BICRAL: variants seen among roughly 807,000 people sequenced by gnomAD.
The protein encoded by BICRAL is BRD4-interacting chromatin-remodeling complex-associated protein-like.
A neutral mutation model predicts 91.8 loss-of-function variants in BICRAL; 8 were observed. The ratio of observed to expected loss-of-function variants is 0.09; its 90% CI spans 0.05 to 0.16. The LOEUF is 0.16. Ranked by LOEUF, BICRAL falls within the 10% of genes least tolerant of loss-of-function variation. BICRAL has a pLI of 1.00. For missense variants in BICRAL, 1,038 were observed against 1,310.9 expected, an observed-to-expected ratio of 0.79 and a Z score of 3.21; for synonymous variants, 445 against 491.1, an observed-to-expected ratio of 0.91 and a Z score of 1.24.
intron 1 of BICRAL, among the ~76,000 whole-genome samples, chr6:42,775,486 G>A (rs1336406650): frequency 6.6e-6 from 1 of 152,178 alleles, no homozygotes; most frequent in Non-Finnish European, 1.5e-5. Flanking sequence ...GAGTTAAAGA[G>A]TTCTGATAGA....
intron 1 of BICRAL, among the ~76,000 whole-genome samples, chr6:42,803,611 A>T (rs765862457): frequency 6.6e-6 from 1 of 152,228 alleles, no homozygotes; most frequent in African/African-American, 2.4e-5. Context: ...GTAAACAGTT[A>T]TTAGGCATGT....
At chr6:42,806,790 C>G (rs1763719677) in intron 1 of BICRAL, among the ~76,000 whole-genome samples, 1 of 151,946 alleles carries the variant, frequency 6.6e-6, no homozygotes, top group Non-Finnish European at 1.5e-5. Context: ...GCTAGGATTA[C>G]AAGCATGAGC....
At chr6:42,821,077 TC>T (rs1289036351) in intron 2 of BICRAL, 1 of 152,250 alleles carries the variant, frequency 6.6e-6, no homozygotes, top group Non-Finnish European at 1.5e-5. Context: ...AGGATTTCAT[TC>T]CTACGTCCAA....
At chr6:42,831,665 C>T (rs985398081) in intron 6 of BICRAL, among the ~76,000 whole-genome samples, 3 of 152,170 alleles carry the variant, frequency 2.0e-5, no homozygotes, top group African/African-American at 2.4e-5. Flanking sequence ...CTCAGTCCTG[C>T]GTTTCCCCTG....
At chr6:42,852,661 CAA>C (rs70990155) in intron 7 of BICRAL, among the ~76,000 whole-genome samples, 6 of 66,026 alleles carry the variant, frequency 9.1e-5, no homozygotes, top group Non-Finnish European at 2.1e-4. Flanking sequence ...GACTCTGTCT[CAA>C]AAAAAAAAAA....
intron 2 of BICRAL, among the ~76,000 whole-genome samples, chr6:42,814,908 C>CA (rs1554278875): frequency 1.9e-4 from 28 of 148,854 alleles, no homozygotes; most frequent in Admixed American, 2.7e-4. Context: ...TGTTCTATTA[C>CA]TTTTTTTTTT....
chr6:42,839,411 T>C (rs1280658883), intron 6 of BICRAL, among the ~76,000 whole-genome samples: 2 of 152,050 alleles, frequency 1.3e-5, no homozygotes, highest in Non-Finnish European at 2.9e-5. Context: ...CCCAAAGTGC[T>C]AGGATTACAG....
chr6:42,836,650 C>G (rs1764646103), intron 6 of BICRAL, among the ~76,000 whole-genome samples: 1 of 123,742 alleles, frequency 8.1e-6, no homozygotes, highest in African/African-American at 3.1e-5. Context: ...GAGATGGAGT[C>G]TTGCTCTGTT....
At chr6:42,843,352 A>ATGGT (rs774783391) in intron 6 of BICRAL, among the ~76,000 whole-genome samples, 25 of 152,274 alleles carry the variant, frequency 1.6e-4, no homozygotes, top group Non-Finnish European at 3.1e-4. Context: ...AAAAGAGACC[A>ATGGT]TGGTGCTGTG....
chr6:42,747,709 A>G (rs1363152522), intron 1 of BICRAL, among the ~76,000 whole-genome samples: 3 of 151,918 alleles, frequency 2.0e-5, no homozygotes, highest in South Asian at 4.1e-4. Context: ...CCGAAAAACA[A>G]TGGTGCTTAC....
At chr6:42,747,633 G>A (rs1212613627) in intron 1 of BICRAL, among the ~76,000 whole-genome samples, 1 of 152,194 alleles carries the variant, frequency 6.6e-6, no homozygotes, top group Non-Finnish European at 1.5e-5. Context: ...GCGCAGGCGG[G>A]GCGCGGGGGC....
Position 42,829,715 on chromosome 6 carries a change from C to T in BICRAL, c.1382C>T (p.Pro461Leu), listed in dbSNP as rs533652906. ...MLRTNQPYTG[P>L]MLNNQNTAVH... ...AGGACCAACCAACCATATACTGGAC[C>T]GATGCTTAACAACCAGAATACTGCT... is the stretch of plus-strand genomic sequence containing the variant. The change falls in exon 6 of 13, where the codon CCG (proline) becomes CTG (leucine). Residue 461 changes from proline (P) to leucine (L), a missense_variant. Pro to Leu is a moderately conservative substitution (Grantham distance 98). Transcript: ENST00000314073. The T allele has an allele frequency of 1.9e-5, 30 of 1,614,060 alleles. No individual in the cohort carries two copies. The highest frequency in any genetic ancestry group is 1.7e-4 in the Admixed American group (10 of 59,992).
At chr6:42,836,523 T>C (rs1455865076) in intron 6 of BICRAL, among the ~76,000 whole-genome samples, 1 of 151,984 alleles carries the variant, frequency 6.6e-6, no homozygotes, top group African/African-American at 2.4e-5. Flanking sequence ...TACCCTTGGG[T>C]ACACAATTAG....
At chr6:42,839,697 A>T (rs894030393) in intron 6 of BICRAL, among the ~76,000 whole-genome samples, 19 of 152,056 alleles carry the variant, frequency 1.2e-4, no homozygotes, top group African/African-American at 4.3e-4. Flanking sequence ...TCTGTATTTA[A>T]TGTATTATTT....
At position 42,865,582 on chromosome 6, in the gene BICRAL, T is replaced by G. The variant is rs775425689; in HGVS notation, c.*136T>G. 1.3e-4 allele frequency: 80 copies of G among 612,620 alleles called. No individual in the cohort carries two copies. Among genetic ancestry groups the G allele is most frequent in the Admixed American group, 2.4e-4 (8 of 33,794 alleles). 37.9% of individuals were successfully genotyped at this position (612,620 alleles called of 1,614,324 possible). On this transcript the variant is annotated 3_prime_UTR_variant, in exon 13 of 13. Coordinates refer to ENST00000314073, the MANE Select transcript of BICRAL (RefSeq NM_001393499.1). ...GCCTGCTTGATCTTTCATCACAGGTTATTCTTTCTAATCTCAATCCTGTTC... is the reference window on the plus strand; with the variant it reads ...GCCTGCTTGATCTTTCATCACAGGTGATTCTTTCTAATCTCAATCCTGTTC...
chr6:42,752,857 CT>C (rs1197150595), intron 1 of BICRAL, among the ~76,000 whole-genome samples: 1 of 150,874 alleles, frequency 6.6e-6, no homozygotes, highest in Non-Finnish European at 1.5e-5. Context: ...CCTGCCTCTG[CT>C]TCCCAAAGGG....
chr6:42,815,312 C>A (rs1268218488), intron 2 of BICRAL, among the ~76,000 whole-genome samples: 2 of 150,838 alleles, frequency 1.3e-5, no homozygotes, highest in Non-Finnish European at 2.9e-5. Context: ...GCCTAAGCCT[C>A]CCGAGTAGAT....
chr6:42,864,513 C>T (rs1259640291), intron 12 of BICRAL, 146 bp from the exon 13 acceptor site: 1 of 665,048 alleles, frequency 1.5e-6, no homozygotes, highest in African/African-American at 1.8e-5. Context: ...GATCAGGGTC[C>T]TGCTTCTGCA....
chr6:42,761,943 C>T (rs1488934968), intron 1 of BICRAL, among the ~76,000 whole-genome samples: 1 of 151,970 alleles, frequency 6.6e-6, no homozygotes, highest in Admixed American at 6.6e-5. Flanking sequence ...GTACTTCTTT[C>T]AGGATTATCG....
Sources: gnomAD v4.1 joint callset for allele counts (sites outside exome capture counted in the v4.1 genomes callset) on GRCh38, gnomAD v4.1.1 for gene constraint, MANE v1.5 for transcripts, NCBI Gene and HGNC (gene_info 2026-07-23, HGNC 2026-07-21) for gene names.